Variants in NUP214 observed in about 807,000 individuals in gnomAD.
NUP214 encodes nucleoporin 214, also known as nuclear pore complex protein Nup214.
In NUP214, 79 loss-of-function variants were observed where a neutral mutation model predicts 196.2. That is an observed-to-expected ratio of 0.40 (90% CI 0.34 to 0.49). The LOEUF is 0.49. NUP214 is among the 20% of genes least tolerant of loss of function. NUP214 has a pLI of 0.58. For synonymous variants in NUP214, 1,020 were observed against 990.5 expected, an observed-to-expected ratio of 1.03 and a Z score of -0.56; for missense variants, 2,468 against 2,539.0, an observed-to-expected ratio of 0.97 and a Z score of 0.60.
chr9:131,206,645 A>G (rs1834096955), intron 30 of NUP214, among the ~76,000 whole-genome samples: 1 of 151,836 alleles, frequency 6.6e-6, no homozygotes. Context: ...GTCTCACCGT[A>G]TTGTCTAGGC....
intron 11 of NUP214, among the ~76,000 whole-genome samples, chr9:131,143,420 GT>G (rs555864197): frequency 2.0e-5 from 3 of 151,660 alleles, no homozygotes; most frequent in Non-Finnish European, 4.4e-5. Context: ...TACTGGGTCT[GT>G]TTTTTACAGT....
At position 131,231,779 on chromosome 9, in the gene NUP214, C is replaced by T. The variant is rs147170953; in HGVS notation, c.6215-505C>T. On this transcript the variant is annotated intron_variant, in intron 34 of 35. Coordinates refer to ENST00000359428, the MANE Select transcript of NUP214 (RefSeq NM_005085.4). ...GAATTTAGGTATCATTACAATTGTA[C>T]CCGTGAAGAAACAGAAACTCCAAGG... 4.5e-3 allele frequency among the ~76,000 whole-genome samples: 685 copies of T among 152,028 alleles called. 6 individuals carry two copies. The highest frequency in any genetic ancestry group is 0.016 in the African/African-American group (650 of 41,452).
At chr9:131,226,845 T>C (rs1288968459) in intron 32 of NUP214, among the ~76,000 whole-genome samples, 4 of 152,238 alleles carry the variant, frequency 2.6e-5, no homozygotes, top group Non-Finnish European at 5.9e-5. Flanking sequence ...CAACTTTTCA[T>C]ACCCAGGATT....
At chr9:131,229,580 G>A (rs527603864) in intron 33 of NUP214, 16 of 406,566 alleles carry the variant, frequency 3.9e-5, no homozygotes, top group Admixed American at 2.7e-4. Context: ...CACAAATCCC[G>A]ATTGGCTGGT....
intron 32 of NUP214, among the ~76,000 whole-genome samples, chr9:131,227,195 G>T (rs1834746960): frequency 6.6e-6 from 1 of 152,228 alleles, no homozygotes; most frequent in Non-Finnish European, 1.5e-5. Context: ...CTCAGGAGAG[G>T]ATGTTTTGTC....
At chr9:131,150,822 C>G (rs1427005819) in intron 16 of NUP214, 57 bp downstream of exon 16, 2 of 1,518,682 alleles carry the variant, frequency 1.3e-6, no homozygotes, top group African/African-American at 2.8e-5. Flanking sequence ...TTTTTTTCTC[C>G]TAGTACTCCA....
chr9:131,168,048 C>T (rs1478616267), intron 21 of NUP214, among the ~76,000 whole-genome samples: 1 of 152,140 alleles, frequency 6.6e-6, no homozygotes, highest in African/African-American at 2.4e-5. Flanking sequence ...GGCCACCATG[C>T]CCAGATAATT....
Position 131,175,569 on chromosome 9 carries a change from G to T in NUP214, c.3267G>T (p.Pro1089=), listed in dbSNP as rs368775701. ...GTCCTTCCCACCCCATCTCAGCCCC[G>T]CAGGCAGCTGCCGCAGCAGCACTCA... ...APSPSHPISA[P]QAAAAAALRR... Residue 1089 remains proline (P), a synonymous_variant, in exon 23 of 36, where the codon CCG becomes CCT. Transcript: ENST00000359428. 3 of 1,613,978 alleles carry T rather than the reference G, an allele frequency of 1.9e-6. No individual in the cohort carries two copies. Among genetic ancestry groups the T allele is most frequent in the African/African-American group, 2.7e-5 (2 of 74,908 alleles).
At position 131,195,289 on chromosome 9, in the gene NUP214, C is replaced by G; in HGVS notation, c.3716C>G (p.Ala1239Gly). ...TPTPSSNFTA[A>G]QGATPSTKES... The stretch of plus-strand genomic sequence containing the variant: ...ACACCGTCTTCTAATTTCACTGCTG[C>G]ACAAGGTACAGACTCTGTGTTGAGT... The change falls in exon 28 of 36, where the codon GCA becomes GGA. Residue 1239 changes from alanine (A) to glycine (G), a missense_variant. Around this residue, in one of 5 missense-constraint regions of NUP214, gnomAD observed 1,801 missense variants for 1,779.4 expected, o/e 1.01. Coordinates refer to ENST00000359428, the MANE Select transcript of NUP214 (RefSeq NM_005085.4). 1 of 1,612,376 alleles carries G rather than the reference C, an allele frequency of 6.2e-7. No individual in the cohort carries two copies. The highest frequency in any genetic ancestry group is 1.1e-5 in the South Asian group (1 of 91,026).
At position 131,133,183 on chromosome 9, in the gene NUP214, C is replaced by G. The variant is rs1236270973; in HGVS notation, c.805C>G (p.Pro269Ala). ...AAADGTLETS[P>A]DVVMALLPKK... ...TGCAGATGGGACCCTGGAAACGTCT[C>G]CAGATGTGGTGATGGCTCTACTACC... The change falls in exon 7 of 36, where the codon CCA becomes GCA. Residue 269 changes from proline to alanine, a missense_variant. This residue lies in a region of NUP214 where 392 missense variants were observed against 417.9 expected (regional missense o/e 0.94). Coordinates refer to ENST00000359428, the MANE Select transcript of NUP214 (RefSeq NM_005085.4). The G allele has an allele frequency of 6.3e-7, 1 of 1,589,316 alleles. No homozygotes were observed. Among genetic ancestry groups the G allele is most frequent in the East Asian group, 2.3e-5 (1 of 43,264 alleles).
At chr9:131,152,703 A>G (rs1393557684) in intron 17 of NUP214, among the ~76,000 whole-genome samples, 2 of 152,174 alleles carry the variant, frequency 1.3e-5, no homozygotes, top group Non-Finnish European at 2.9e-5. Context: ...CATGTTGGCT[A>G]GGAAACGGGG....
At chr9:131,174,022 G>A (rs1187229624) in intron 21 of NUP214, 33 bp from the exon 22 acceptor site, 2 of 1,604,718 alleles carry the variant, frequency 1.2e-6, no homozygotes, top group Non-Finnish European at 1.7e-6. Flanking sequence ...GCTTTGAGTT[G>A]TCTAAATTGT....
At chr9:131,213,162 A>G (rs939357559) in intron 30 of NUP214, among the ~76,000 whole-genome samples, 2 of 150,518 alleles carry the variant, frequency 1.3e-5, no homozygotes, top group Non-Finnish European at 3.0e-5. Context: ...ATGGGAAGCC[A>G]TTATTTATCA....
rs773452416 is a variant in NUP214, at chr9:131,146,229, C to T, written c.1870C>T (p.Leu624Phe). ...SASKPAASGP[L>F]SHPTPLSAPP... is the part of the protein sequence containing the mutation. ...CTCCAAGCCAGCTGCTTCTGGACCA[C>T]TCAGCCACCCCACACCTCTCTCAGC... Residue 624 changes from leucine to phenylalanine, a missense_variant, in exon 13 of 36, where the codon CTC (leucine) becomes TTC (phenylalanine). Physicochemically the swap from Leu to Phe is conservative, Grantham distance 22 (BLOSUM62 0). Around this residue, in one of 5 missense-constraint regions of NUP214, gnomAD observed 1,801 missense variants for 1,779.4 expected, o/e 1.01. Transcript: ENST00000359428. This position sits in a 1 kb window ranked among gnomAD's most constrained non-coding sequence, Gnocchi z 4.6. The T allele has an allele frequency of 1.9e-6, 3 of 1,614,168 alleles. No homozygotes were observed. The South Asian group carries it at 3.3e-5, about 18-fold the overall frequency.
chr9:131,161,591 C>A (rs184905735), intron 18 of NUP214, among the ~76,000 whole-genome samples: 148 of 152,200 alleles, frequency 9.7e-4, no homozygotes, highest in African/African-American at 3.2e-3. Flanking sequence ...GTTGAACTAC[C>A]TTGTTACCAG....
At chr9:131,201,600 G>A in intron 29 of NUP214, 47 bp from the exon 30 acceptor site, 1 of 1,371,342 alleles carries the variant, frequency 7.3e-7, no homozygotes, top group African/African-American at 1.4e-5. Flanking sequence ...TGTTGTAAAA[G>A]ACTCATCCAA....
At chr9:131,131,325 T>G (rs1286740096) in intron 5 of NUP214, among the ~76,000 whole-genome samples, 1 of 152,252 alleles carries the variant, frequency 6.6e-6, no homozygotes, top group African/African-American at 2.4e-5. Context: ...TTGTTGCATG[T>G]GCACTCTGTC....
Position 131,139,387 on chromosome 9 carries a change from A to G in NUP214, c.1112A>G (p.Asn371Ser). ...LPMGVVVDYTNQVEITISDEK... is the reference protein window; with the variant it reads ...LPMGVVVDYTSQVEITISDEK... ...ATGGGAGTTGTCGTAGACTATACAAACCAAGTGGAAATCACCATCAGTAAG... is the reference window on the plus strand; with the variant it reads ...ATGGGAGTTGTCGTAGACTATACAAGCCAAGTGGAAATCACCATCAGTAAG... The change falls in exon 10 of 36, where the codon AAC becomes AGC. Residue 371 changes from asparagine to serine, a missense_variant. Physicochemically the swap from Asn to Ser is conservative, Grantham distance 46. Coordinates refer to ENST00000359428, the MANE Select transcript of NUP214 (RefSeq NM_005085.4). 1 of 1,606,240 alleles carries G rather than the reference A, an allele frequency of 6.2e-7. No homozygotes were observed. The highest frequency in any genetic ancestry group is 8.5e-7 in the Non-Finnish European group (1 of 1,177,332).
Position 131,232,505 on chromosome 9 carries a change from G to A in NUP214, c.6239+197G>A, listed in dbSNP as rs1372135830. 9.4e-6 allele frequency: 6 copies of A among 638,092 alleles called. No individual in the cohort carries two copies. The highest frequency in any genetic ancestry group is 1.7e-5 in the Non-Finnish European group (6 of 355,922). 39.5% of individuals were successfully genotyped at this position (638,092 alleles called of 1,614,324 possible). On this transcript the variant is annotated intron_variant, in intron 35 of 35. Transcript: ENST00000359428. The surrounding 1 kb of genome is among the most constrained non-coding windows in gnomAD (Gnocchi z 5.1). ...TCTCTGTAGCAATATGGCAGGAGGT[G>A]CCAGGCCTCGCCTTCTTAAGAGGCG...
Sources: gnomAD v4.1 joint callset for allele counts (sites outside exome capture counted in the v4.1 genomes callset) on GRCh38, gnomAD v4.1.1 for gene constraint, gnomAD v4.1.1 regional missense constraint, Gnocchi (gnomAD v3.1) non-coding constraint, MANE v1.5 for transcripts, NCBI Gene and HGNC (gene_info 2026-07-23, HGNC 2026-07-21) for gene names.